TUBGCP3: variants seen among roughly 807,000 people sequenced by gnomAD.
TUBGCP3 encodes the protein tubulin gamma complex component 3.
TUBGCP3 carries 50 observed loss-of-function variants against 123.1 expected under a neutral mutation model. The ratio of observed to expected loss-of-function variants is 0.41; its 90% CI spans 0.32 to 0.51. TUBGCP3 has a LOEUF of 0.51. Ranked by LOEUF, TUBGCP3 falls within the 20% of genes least tolerant of loss-of-function variation. TUBGCP3 has a pLI of 0.36. For synonymous variants in TUBGCP3, 405 were observed against 413.9 expected (o/e 0.98, Z 0.26); for missense variants, 882 against 1,127.0 (o/e 0.78, Z 3.11).
rs777538104 is a variant in TUBGCP3, at chr13:112,510,200, C to T, written c.2087-5486G>A. On this transcript the variant is annotated intron_variant, in intron 17 of 21. Coordinates refer to ENST00000261965, the MANE Select transcript of TUBGCP3 (RefSeq NM_006322.6). ...TTCTCCACTGACCCCTAAAGGCTGTCGAAAGAACTTCAAGTTTGACTCAAA... is the reference window on the plus strand; with the variant it reads ...TTCTCCACTGACCCCTAAAGGCTGTTGAAAGAACTTCAAGTTTGACTCAAA... 5.6e-4 allele frequency among the ~76,000 whole-genome samples: 85 copies of T among 152,256 alleles called. 1 individual carries two copies. Among genetic ancestry groups the T allele is most frequent in the Non-Finnish European group, 1.0e-3 (71 of 68,018 alleles).
At chr13:112,592,742 G>T (rs1004159559), upstream of TUBGCP3, among the ~76,000 whole-genome samples, 1 of 152,198 alleles carries the variant, frequency 6.6e-6, no homozygotes, top group Non-Finnish European at 1.5e-5. The surrounding 1 kb of genome is among the most constrained non-coding windows in gnomAD (Gnocchi z 4.1). Context: ...GAAGGGAGGT[G>T]CCTGGGTTGG....
Position 112,558,364 on chromosome 13 carries a change from T to G in TUBGCP3, c.380A>C (p.His127Pro). The G allele has an allele frequency of 6.2e-7, 1 of 1,605,646 alleles. No individual in the cohort carries two copies. The highest frequency in any genetic ancestry group is 8.5e-7 in the Non-Finnish European group (1 of 1,172,980). ...LFAQALPRDA[H>P]STPYYYARPQ... is the part of the protein sequence containing the mutation. ...CCTGGCATAGTAGTAAGGGGTTGAG[T>G]GGGCATCTCTTGGTAAGGCCTGAGC... Residue 127 changes from histidine (H) to proline (P), a missense_variant, in exon 5 of 22, where the codon CAC becomes CCC. Around this residue, in one of 3 missense-constraint regions of TUBGCP3, gnomAD observed 713 missense variants for 874.0 expected, o/e 0.82. Coordinates refer to ENST00000261965, the MANE Select transcript of TUBGCP3 (RefSeq NM_006322.6).
intron 17 of TUBGCP3, among the ~76,000 whole-genome samples, chr13:112,513,812 C>A (rs1875840600): frequency 6.6e-6 from 1 of 152,220 alleles, no homozygotes; most frequent in Non-Finnish European, 1.5e-5. Context: ...TAGTCCCCCA[C>A]ACAGTTTCTC....
At chr13:112,588,593 C>G (rs887008639), upstream of TUBGCP3, among the ~76,000 whole-genome samples, 1 of 152,120 alleles carries the variant, frequency 6.6e-6, no homozygotes, top group Non-Finnish European at 1.5e-5. Context: ...CTCGCACTGC[C>G]GCGCGGGCCG....
intron 17 of TUBGCP3, among the ~76,000 whole-genome samples, chr13:112,512,765 C>G (rs971181373): frequency 2.0e-5 from 3 of 152,120 alleles, no homozygotes; most frequent in African/African-American, 7.2e-5. Flanking sequence ...TCTCCACTAA[C>G]CACTGTTCCC....
intron 17 of TUBGCP3, among the ~76,000 whole-genome samples, chr13:112,514,203 T>C (rs1205804252): frequency 7.0e-6 from 1 of 143,742 alleles, no homozygotes; most frequent in African/African-American, 2.6e-5. Context: ...GCCTAACCTA[T>C]AAGTTAAACT....
At chr13:112,579,731 C>G (rs1438552427) in intron 1 of TUBGCP3, among the ~76,000 whole-genome samples, 1 of 152,226 alleles carries the variant, frequency 6.6e-6, no homozygotes, top group Non-Finnish European at 1.5e-5. Flanking sequence ...TCCCACACTG[C>G]TGGTGCAGCG....
At chr13:112,530,104 A>C (rs981695774) in intron 11 of TUBGCP3, among the ~76,000 whole-genome samples, 6 of 152,216 alleles carry the variant, frequency 3.9e-5, no homozygotes, top group African/African-American at 1.4e-4. Flanking sequence ...AGAAATACAC[A>C]TAGGATGGCC....
intron 17 of TUBGCP3, among the ~76,000 whole-genome samples, chr13:112,505,854 G>A (rs1318428851): frequency 4.6e-5 from 7 of 152,136 alleles, no homozygotes; most frequent in African/African-American, 9.7e-5. Context: ...CCAGGGACGC[G>A]CCGTGCACTT....
At chr13:112,559,652 G>GT (rs1300090667) in intron 3 of TUBGCP3, among the ~76,000 whole-genome samples, 1 of 152,142 alleles carries the variant, frequency 6.6e-6, no homozygotes, top group African/African-American at 2.4e-5. Flanking sequence ...AAGAAGAAAA[G>GT]TTTTTTTAAG....
At position 112,554,866 on chromosome 13, in the gene TUBGCP3, T is replaced by C. The variant is rs758891212; in HGVS notation, c.840+21A>G. 5 of 1,515,524 alleles carry C rather than the reference T, an allele frequency of 3.3e-6. No individual in the cohort carries two copies. The African/African-American group carries it at 7.0e-5, about 21-fold the overall frequency. The allele number at this position is 1,515,524 out of a possible 1,614,324, so 93.9% of individuals were successfully genotyped here. ...GTTTTTTCTTTCTGAATATTTTAAC[T>C]TAGATTTTATGTTACTGTACCTTTC... On this transcript the variant is annotated intron_variant, in intron 7 of 21. Coordinates refer to ENST00000261965, the MANE Select transcript of TUBGCP3 (RefSeq NM_006322.6).
chr13:112,596,173 A>G, the TUBGCP3 span, among the ~76,000 whole-genome samples: 5 of 152,358 alleles, frequency 3.3e-5, no homozygotes, highest in African/African-American at 1.2e-4. Flanking sequence ...AGAAAACTCA[A>G]GAGTAGAAGA....
chr13:112,494,253 T>C (rs1049823911), intron 20 of TUBGCP3, among the ~76,000 whole-genome samples: 1 of 152,200 alleles, frequency 6.6e-6, no homozygotes, highest in African/African-American at 2.4e-5. Flanking sequence ...GGAGAGAGAA[T>C]GCTGGGTCAG....
In TUBGCP3 at chr13:112,548,132, T is replaced by G. The variant is rs367861126; in HGVS notation, c.1011A>C (p.Arg337=). ...ALHQELREYY[R]LLSVLHSQLQ... ...CCTGAGAATGTAAAACAGAGAGCAA[T>G]CGATAGTATTCTCTGAGTTCCTGGT... The change falls in exon 9 of 22, where the codon CGA becomes CGC. Residue 337 remains arginine (R), a synonymous_variant. Transcript: ENST00000261965. 2 of 1,603,290 alleles carry G rather than the reference T, an allele frequency of 1.2e-6. No individual in the cohort carries two copies. Among genetic ancestry groups the G allele is most frequent in the Admixed American group, 1.7e-5 (1 of 59,736 alleles).
At position 112,587,870 on chromosome 13, in the gene TUBGCP3, G is replaced by A. The variant is rs959733403; in HGVS notation, c.76+35C>T. ...ACGCGCAGGGAGCAGCCCCCGGGACGGGTCTGCGGGCTTCGCGTCGCCCGG... is the reference window on the plus strand; with the variant it reads ...ACGCGCAGGGAGCAGCCCCCGGGACAGGTCTGCGGGCTTCGCGTCGCCCGG... On this transcript the variant is annotated intron_variant, in intron 1 of 21. Transcript: ENST00000261965. 4 of 1,565,132 alleles carry A rather than the reference G, an allele frequency of 2.6e-6. No homozygotes were observed. In the South Asian group the frequency reaches 3.5e-5, roughly 14 times the overall value.
intron 21 of TUBGCP3, among the ~76,000 whole-genome samples, chr13:112,487,093 G>C (rs1460552373): frequency 6.6e-6 from 1 of 151,852 alleles, no homozygotes; most frequent in East Asian, 1.9e-4. Flanking sequence ...CTGTGTGTGT[G>C]TGTGTGTGTA....
intron 6 of TUBGCP3, 24 bp downstream of exon 6, chr13:112,556,028 G>T: frequency 6.2e-7 from 1 of 1,601,274 alleles, no homozygotes; most frequent in Non-Finnish European, 8.5e-7. Context: ...CAGAAAAGCT[G>T]TATTAACATA....
At chr13:112,590,707 G>A (rs1882868492), upstream of TUBGCP3, among the ~76,000 whole-genome samples, 2 of 152,208 alleles carry the variant, frequency 1.3e-5, no homozygotes, top group South Asian at 2.1e-4. Flanking sequence ...AATCCAGTTA[G>A]TATGCAAAAT....
At position 112,511,600 on chromosome 13, in the gene TUBGCP3, C is replaced by T. The variant is rs558774883; in HGVS notation, c.2086+4840G>A. On this transcript the variant is annotated intron_variant, in intron 17 of 21. Coordinates refer to ENST00000261965, the MANE Select transcript of TUBGCP3 (RefSeq NM_006322.6). This position sits in a 1 kb window ranked among gnomAD's most constrained non-coding sequence, Gnocchi z 4.1. ...CCACAGGAGCCTGCAGCTCCACAGA[C>T]TTTAAGACACATTGAGAACATGAAA... Among the ~76,000 whole-genome samples, 1 of 151,946 alleles carries T rather than the reference C, an allele frequency of 6.6e-6. No individual in the cohort carries two copies. Among genetic ancestry groups the T allele is most frequent in the South Asian group, 2.1e-4 (1 of 4,800 alleles).
Sources: gnomAD v4.1 joint callset for allele counts (sites outside exome capture counted in the v4.1 genomes callset) on GRCh38, gnomAD v4.1.1 for gene constraint, gnomAD v4.1.1 regional missense constraint, Gnocchi (gnomAD v3.1) non-coding constraint, MANE v1.5 for transcripts, NCBI Gene and HGNC (gene_info 2026-07-23, HGNC 2026-07-21) for gene names.